CA10: variants seen among roughly 807,000 people sequenced by gnomAD.
CA10 encodes the protein carbonic anhydrase 10 (inactive), also known as carbonic anhydrase-related protein 10.
Under a neutral mutation model 44.2 loss-of-function variants are expected in CA10, and 14 were observed. The observed-to-expected ratio is 0.32, with a 90% CI of 0.21 to 0.50. The LOEUF (loss-of-function observed/expected upper bound fraction) is 0.50. Ranked by LOEUF, CA10 falls within the 20% of genes least tolerant of loss-of-function variation. The pLI, the probability that CA10 is intolerant of heterozygous loss-of-function variation, is 0.99. For synonymous variants in CA10, 159 were observed against 141.6 expected (o/e 1.12, Z -0.87); for missense variants, 350 against 409.7 (o/e 0.85, Z 1.26).
At chr17:52,150,018 A>G (rs1989670026) in intron 1 of CA10, among the ~76,000 whole-genome samples, 1 of 152,164 alleles carries the variant, frequency 6.6e-6, no homozygotes, top group Non-Finnish European at 1.5e-5. Flanking sequence ...TATACCTTAA[A>G]TACTCTTCCA....
chr17:51,863,508 T>C (rs1979408676), intron 3 of CA10, among the ~76,000 whole-genome samples: 1 of 152,198 alleles, frequency 6.6e-6, no homozygotes, highest in Non-Finnish European at 1.5e-5. Context: ...GACTCTGAGA[T>C]ACTTGAAGAA....
chr17:51,725,119 TCTGATTCCAAAGCCC>T (rs1407498389), intron 4 of CA10, among the ~76,000 whole-genome samples: 1 of 152,200 alleles, frequency 6.6e-6, no homozygotes, highest in East Asian at 1.9e-4. Flanking sequence ...AGGACTGTAA[TCTGATTCCAAAGCCC>T]CTGCTCCATG....
chr17:51,717,847 A>ATACGTG (rs1555589859), intron 4 of CA10, among the ~76,000 whole-genome samples: 6 of 83,066 alleles, frequency 7.2e-5, no homozygotes, highest in African/African-American at 2.9e-4. Context: ...ATATATATAT[A>ATACGTG]TATATATATA....
Position 52,092,722 on chromosome 17 carries a change from CCTT to C in CA10, c.62-20332_62-20330del, listed in dbSNP as rs144996878. On this transcript the variant is annotated intron_variant, in intron 1 of 8. Coordinates refer to ENST00000451037, the MANE Select transcript of CA10 (RefSeq NM_020178.5). ...CATTCCTGAGACAAAATAAATGTAT[CCTT>C]CACAGAGTTTTCTGATGTTGAGGAC... Among the ~76,000 whole-genome samples the C allele has an allele frequency of 3.0e-3, 458 of 152,262 alleles. 1 individual carries two copies. The Middle Eastern group carries it at 0.041, about 14-fold the overall frequency.
chr17:52,041,402 G>C (rs1961557714), intron 2 of CA10, among the ~76,000 whole-genome samples: 1 of 152,044 alleles, frequency 6.6e-6, no homozygotes, highest in Non-Finnish European at 1.5e-5. Context: ...GCATGAGCAT[G>C]ATTAGAAGAT....
chr17:52,037,245 G>C (rs1307446327), intron 2 of CA10, among the ~76,000 whole-genome samples: 2 of 152,166 alleles, frequency 1.3e-5, no homozygotes, highest in Non-Finnish European at 2.9e-5. Context: ...ATATTATGTA[G>C]GGAGAAGAGA....
rs548490640 is a variant in CA10, at chr17:51,665,765, G to A, written c.466-12029C>T. Reference sequence around the variant, plus strand: ...CGTAGAAAAGGCTCAATCAAAATACGATATTGTAGTCTTAGGGGACCACTG... The same window carrying A: ...CGTAGAAAAGGCTCAATCAAAATACAATATTGTAGTCTTAGGGGACCACTG... On this transcript the variant is annotated intron_variant, in intron 4 of 8. Transcript: ENST00000451037. Among the ~76,000 whole-genome samples, 7 of 152,322 alleles carry A rather than the reference G, an allele frequency of 4.6e-5. No homozygotes were observed. In the South Asian group the frequency reaches 6.2e-4, roughly 14 times the overall value.
chr17:52,119,576 G>T (rs1439250935), intron 1 of CA10, among the ~76,000 whole-genome samples: 1 of 152,130 alleles, frequency 6.6e-6, no homozygotes, highest in Middle Eastern at 3.2e-3. Context: ...CAAACTCATG[G>T]CTGGGCTCAG....
At chr17:51,908,752 T>G (rs907274953) in intron 3 of CA10, among the ~76,000 whole-genome samples, 1 of 152,148 alleles carries the variant, frequency 6.6e-6, no homozygotes, top group South Asian at 2.1e-4. Context: ...ATGCTATATC[T>G]TCCAAATGAC....
chr17:51,675,923 G>C (rs568070959), intron 4 of CA10, among the ~76,000 whole-genome samples: 6 of 136,804 alleles, frequency 4.4e-5, no homozygotes, highest in Admixed American at 4.3e-4. Flanking sequence ...CACTCCCATC[G>C]GAACACTCTG....
intron 2 of CA10, among the ~76,000 whole-genome samples, chr17:52,009,483 G>A (rs1488035611): frequency 6.6e-6 from 1 of 151,932 alleles, no homozygotes; most frequent in Admixed American, 6.6e-5. Flanking sequence ...GTGTCACCTG[G>A]AGAGCAGATG....
At chr17:51,639,871 A>T (rs933863014) in intron 6 of CA10, among the ~76,000 whole-genome samples, 8 of 152,118 alleles carry the variant, frequency 5.3e-5, no homozygotes, top group African/African-American at 9.7e-5. Context: ...CAATAAGCAG[A>T]TGGTTGGAGT....
intron 2 of CA10, among the ~76,000 whole-genome samples, chr17:52,045,969 G>A (rs1255395902): frequency 2.0e-5 from 3 of 151,928 alleles, no homozygotes; most frequent in Non-Finnish European, 4.4e-5. Flanking sequence ...CTCAACTAGT[G>A]TATTTTAAAT....
chr17:52,157,513 C>A (rs1478538477), intron 1 of CA10, among the ~76,000 whole-genome samples: 10 of 148,050 alleles, frequency 6.8e-5, no homozygotes, highest in African/African-American at 2.5e-4. Context: ...TCTAGGACTG[C>A]ACACAGATCC....
intron 3 of CA10, among the ~76,000 whole-genome samples, chr17:51,784,757 C>A (rs1488561893): frequency 1.3e-5 from 2 of 152,218 alleles, no homozygotes; most frequent in Admixed American, 1.3e-4. Flanking sequence ...TCCCCTCAAG[C>A]ACTTATCTTT....
intron 3 of CA10, among the ~76,000 whole-genome samples, chr17:51,834,667 C>A (rs978437057): frequency 6.6e-6 from 1 of 152,136 alleles, no homozygotes; most frequent in East Asian, 1.9e-4. Flanking sequence ...AGTAATAAGG[C>A]TTTAGTGTCA....
chr17:52,001,568 T>G (rs1025280158), intron 2 of CA10, among the ~76,000 whole-genome samples: 6 of 147,736 alleles, frequency 4.1e-5, no homozygotes, highest in Admixed American at 1.3e-4. Context: ...TATAGGGAAG[T>G]TTTTTTTTTA....
chr17:52,068,692 G>A (rs1174911247), intron 2 of CA10, among the ~76,000 whole-genome samples: 1 of 152,198 alleles, frequency 6.6e-6, no homozygotes, highest in Non-Finnish European at 1.5e-5. Context: ...TGGTGAGGCA[G>A]TTCCATGGTG....
chr17:52,073,708 G>T (rs532515436), intron 1 of CA10, among the ~76,000 whole-genome samples: 2 of 152,190 alleles, frequency 1.3e-5, no homozygotes, highest in Admixed American at 1.3e-4. Context: ...TGTGGATAGA[G>T]TTCAGACATT....
Sources: gnomAD v4.1 joint callset for allele counts (sites outside exome capture counted in the v4.1 genomes callset) on GRCh38, gnomAD v4.1.1 for gene constraint, MANE v1.5 for transcripts, NCBI Gene and HGNC (gene_info 2026-07-23, HGNC 2026-07-21) for gene names.